GRIK4: variants seen among roughly 807,000 people sequenced by gnomAD.
The protein encoded by GRIK4 is glutamate ionotropic receptor kainate type subunit 4.
In GRIK4, 40 loss-of-function variants were observed where a neutral mutation model predicts 104.9. The ratio of observed to expected loss-of-function variants is 0.38; its 90% CI spans 0.30 to 0.50. GRIK4 has a LOEUF of 0.50. Among genes scored for constraint, GRIK4 ranks in the 20% least tolerant of loss-of-function variants. The probability of loss-of-function intolerance (pLI) is 0.93; values close to 1 mark genes in which losing one functional copy is unlikely to be tolerated. For missense variants in GRIK4, 1,047 were observed against 1,308.1 expected (o/e 0.80, Z 3.08); for synonymous variants, 485 against 524.9 (o/e 0.92, Z 1.04).
intron 1 of GRIK4, among the ~76,000 whole-genome samples, chr11:120,604,511 G>A (rs1377822131): frequency 6.6e-6 from 1 of 152,214 alleles, no homozygotes; most frequent in Non-Finnish European, 1.5e-5. Context: ...GCCCAGACCT[G>A]GGAAGTTAAA....
chr11:120,538,086 C>T (rs562394576), intron 1 of GRIK4, among the ~76,000 whole-genome samples: 4 of 152,360 alleles, frequency 2.6e-5, no homozygotes, highest in African/African-American at 4.8e-5. Flanking sequence ...CACTTTCTAA[C>T]GAGGACAGAA....
chr11:120,814,946 C>A (rs1284918194), intron 4 of GRIK4, among the ~76,000 whole-genome samples: 1 of 152,224 alleles, frequency 6.6e-6, no homozygotes, highest in East Asian at 1.9e-4. Flanking sequence ...CGCCTGCCTG[C>A]CTGCCTTCCT....
intron 3 of GRIK4, among the ~76,000 whole-genome samples, chr11:120,783,371 G>C (rs17124343): frequency 0.031 from 4,778 of 151,994 alleles, 232 homozygotes; most frequent in African/African-American, 0.11. Context: ...CTGTATTTCT[G>C]TTCTCCCCCT....
At chr11:120,527,055 T>C (rs1947864680) in intron 1 of GRIK4, among the ~76,000 whole-genome samples, 1 of 152,206 alleles carries the variant, frequency 6.6e-6, no homozygotes, top group Non-Finnish European at 1.5e-5. Flanking sequence ...TCAGTGAGGT[T>C]GCAGAAGTTG....
intron 19 of GRIK4, among the ~76,000 whole-genome samples, chr11:120,968,911 G>GGCCCAGTGTATCACAGCTGT (rs1944427654): frequency 6.6e-6 from 1 of 152,154 alleles, no homozygotes; most frequent in Non-Finnish European, 1.5e-5. Context: ...CTCATCCCTG[G>GGCCCAGTGTATCACAGCTGT]GCCCAGTGTA....
rs752273570 is a variant in GRIK4 at position 120,710,504 on chromosome 11, G to T, written c.82+50104G>T. On this transcript the variant is annotated intron_variant, in intron 3 of 20. Coordinates refer to ENST00000527524, the MANE Select transcript of GRIK4 (RefSeq NM_014619.5). Reference sequence around the variant, plus strand: ...ATAGGCTCTGAGTCTGGCCTGCTCTGTGGGCATAACGGCCCCCCCATTCCA... The same window carrying T: ...ATAGGCTCTGAGTCTGGCCTGCTCTTTGGGCATAACGGCCCCCCCATTCCA... 4.7e-4 allele frequency among the ~76,000 whole-genome samples: 72 copies of T among 152,188 alleles called. 2 individuals are homozygous for T. The highest frequency in any genetic ancestry group is 2.6e-4 in the Non-Finnish European group (18 of 68,028).
chr11:120,706,742 C>T (rs2135344897), intron 3 of GRIK4, among the ~76,000 whole-genome samples: 1 of 152,308 alleles, frequency 6.6e-6, no homozygotes, highest in Non-Finnish European at 1.5e-5. Flanking sequence ...GAGCGTATGA[C>T]CAAGACCAAG....
intron 1 of GRIK4, among the ~76,000 whole-genome samples, chr11:120,608,075 A>G (rs1471147703): frequency 6.6e-6 from 1 of 152,202 alleles, no homozygotes; most frequent in Non-Finnish European, 1.5e-5. Context: ...AGCAGAAGCC[A>G]GAGAGGCAGC....
chr11:120,946,564 T>C (rs1943865674), intron 14 of GRIK4, among the ~76,000 whole-genome samples: 1 of 152,182 alleles, frequency 6.6e-6, no homozygotes, highest in African/African-American at 2.4e-5. Context: ...TTCAAGGAGA[T>C]TGGGTATATG....
chr11:120,794,443 A>T (rs1265906856), intron 3 of GRIK4, among the ~76,000 whole-genome samples: 1 of 152,052 alleles, frequency 6.6e-6, no homozygotes, highest in Non-Finnish European at 1.5e-5. Context: ...TCTATATTGA[A>T]GCCCCACCCC....
intron 1 of GRIK4, among the ~76,000 whole-genome samples, chr11:120,647,327 A>G (rs1005250366): frequency 2.0e-5 from 3 of 152,172 alleles, no homozygotes; most frequent in African/African-American, 4.8e-5. Context: ...ACATGTTGCT[A>G]GGTGTCTGTT....
chr11:120,701,702 T>C (rs1473734443), intron 3 of GRIK4, among the ~76,000 whole-genome samples: 2 of 152,182 alleles, frequency 1.3e-5, no homozygotes, highest in Non-Finnish European at 2.9e-5. Flanking sequence ...CATATTGTTT[T>C]CTGACTTAGA....
At chr11:120,942,300 C>A (rs1011761474) in intron 14 of GRIK4, among the ~76,000 whole-genome samples, 3 of 152,208 alleles carry the variant, frequency 2.0e-5, no homozygotes, top group Non-Finnish European at 4.4e-5. Context: ...ATCGTTACAT[C>A]TGTTGGTACT....
intron 11 of GRIK4, among the ~76,000 whole-genome samples, chr11:120,888,352 C>A (rs1215177327): frequency 6.6e-6 from 1 of 152,022 alleles, no homozygotes; most frequent in African/African-American, 2.4e-5. Context: ...CCTCTCAGAG[C>A]CTCAGTTTTC....
In GRIK4 at chr11:120,953,597, C is replaced by A. The variant is rs372066636; in HGVS notation, c.1700+633C>A. Among the ~76,000 whole-genome samples, 1 of 152,042 alleles carries A rather than the reference C, an allele frequency of 6.6e-6. No homozygotes were observed. The highest frequency in any genetic ancestry group is 2.4e-5 in the African/African-American group (1 of 41,390). Reference sequence around the variant, plus strand: ...TCAAGAAGTGCTGAGTTGAGACGCACGGGCCAGACCAGGGAGGGGGGAGAA... The same window carrying A: ...TCAAGAAGTGCTGAGTTGAGACGCAAGGGCCAGACCAGGGAGGGGGGAGAA... On this transcript the variant is annotated intron_variant, in intron 15 of 20. Transcript: ENST00000527524. This position sits in a 1 kb window ranked among gnomAD's most constrained non-coding sequence, Gnocchi z 4.9.
rs577344995 is a variant in GRIK4, at chr11:120,531,355, G to A, written c.-159+19468G>A. Among the ~76,000 whole-genome samples, 174 of 152,220 alleles carry A rather than the reference G, an allele frequency of 1.1e-3. 1 individual carries two copies. Among genetic ancestry groups the A allele is most frequent in the African/African-American group, 4.1e-3 (171 of 41,524 alleles). The stretch of plus-strand genomic sequence containing the variant: ...CTTCCCCACATCCTCCTTTCATGTC[G>A]TCTGCCCCTGCCACAGGCACCTGCT... On this transcript the variant is annotated intron_variant, in intron 1 of 20. Transcript: ENST00000527524.
chr11:120,648,490 C>T (rs1949572248), intron 1 of GRIK4, among the ~76,000 whole-genome samples: 1 of 152,134 alleles, frequency 6.6e-6, no homozygotes, highest in African/African-American at 2.4e-5. Flanking sequence ...AGGTGAATAC[C>T]AGCTGTGGAG....
rs1013344529 is a variant in GRIK4, at chr11:120,524,291, C to T, written c.-159+12404C>T. On this transcript the variant is annotated intron_variant, in intron 1 of 20. Transcript: ENST00000527524. This position sits in a 1 kb window ranked among gnomAD's most constrained non-coding sequence, Gnocchi z 4.5. ...GCTCAGTATGCGTTTAGTGGGTGAACGGCTGCTTTGGTGAGCCGCTTGTCT... is the reference window on the plus strand; with the variant it reads ...GCTCAGTATGCGTTTAGTGGGTGAATGGCTGCTTTGGTGAGCCGCTTGTCT... Among the ~76,000 whole-genome samples, 5 of 152,184 alleles carry T rather than the reference C, an allele frequency of 3.3e-5. No homozygotes were observed. Among genetic ancestry groups the T allele is most frequent in the South Asian group, 2.1e-4 (1 of 4,822 alleles).
chr11:120,691,564 A>AT, intron 3 of GRIK4, among the ~76,000 whole-genome samples: 1 of 152,204 alleles, frequency 6.6e-6, no homozygotes, highest in Middle Eastern at 3.4e-3. Context: ...CCCCAAAAGT[A>AT]TTTTTTCCAC....
Sources: gnomAD v4.1 joint callset for allele counts (sites outside exome capture counted in the v4.1 genomes callset) on GRCh38, gnomAD v4.1.1 for gene constraint, Gnocchi (gnomAD v3.1) non-coding constraint, MANE v1.5 for transcripts, NCBI Gene and HGNC (gene_info 2026-07-23, HGNC 2026-07-21) for gene names.